UNC5C: variants seen among roughly 807,000 people sequenced by gnomAD.
UNC5C encodes netrin receptor UNC5C.
UNC5C carries 47 observed loss-of-function variants against 99.8 expected under a neutral mutation model. The observed-to-expected ratio is 0.47, with a 90% CI of 0.37 to 0.60. UNC5C has a LOEUF of 0.60. UNC5C is among the 20% of genes least tolerant of loss of function. UNC5C has a pLI of 0.00. For synonymous variants in UNC5C, 487 were observed against 452.2 expected, an observed-to-expected ratio of 1.08 and a Z score of -0.98; for missense variants, 1,062 against 1,165.9, an observed-to-expected ratio of 0.91 and a Z score of 1.30.
intron 1 of UNC5C, among the ~76,000 whole-genome samples, chr4:95,457,287 A>G (rs903327802): frequency 1.1e-4 from 17 of 152,218 alleles, no homozygotes; most frequent in African/African-American, 4.1e-4. Flanking sequence ...TGAAGAAGGG[A>G]ACCATTTTTC....
chr4:95,187,721 T>C lies in UNC5C; in HGVS notation c.2137-2525A>G, dbSNP rs1056406933. Among the ~76,000 whole-genome samples, 9 of 152,308 alleles carry C rather than the reference T, an allele frequency of 5.9e-5. No homozygotes were observed. In the East Asian group the frequency reaches 1.2e-3, roughly 20 times the overall value. On this transcript the variant is annotated intron_variant, in intron 12 of 15. Coordinates refer to ENST00000453304, the MANE Select transcript of UNC5C (RefSeq NM_003728.4). Reference sequence around the variant, plus strand: ...TAGACTGGCTTGGAGGAGCCCTTTTTTGGATAGAAAGTACCAAGTGCCATT... The same window carrying C: ...TAGACTGGCTTGGAGGAGCCCTTTTCTGGATAGAAAGTACCAAGTGCCATT...
intron 14 of UNC5C, among the ~76,000 whole-genome samples, chr4:95,178,578 A>ATAT (rs1736467729): frequency 6.6e-6 from 1 of 152,236 alleles, no homozygotes; most frequent in African/African-American, 2.4e-5. Context: ...ATGAGAGAAA[A>ATAT]TATTTGTCCT....
chr4:95,474,835 T>C (rs565784828), intron 1 of UNC5C, among the ~76,000 whole-genome samples: 1 of 152,186 alleles, frequency 6.6e-6, no homozygotes, highest in South Asian at 2.1e-4. Context: ...CAGAAGCCTG[T>C]CTTGTGCTGT....
chr4:95,522,904 CA>C (rs1722397769), intron 1 of UNC5C, among the ~76,000 whole-genome samples: 3 of 84,212 alleles, frequency 3.6e-5, no homozygotes, highest in Non-Finnish European at 7.0e-5. Context: ...TGCCAGGGAC[CA>C]GAGCAAAGCA....
intron 10 of UNC5C, among the ~76,000 whole-genome samples, chr4:95,213,758 C>T (rs999535376): frequency 4.6e-5 from 7 of 152,152 alleles, no homozygotes; most frequent in African/African-American, 1.7e-4. Flanking sequence ...CATCACAGCT[C>T]CTGATGTCCT....
chr4:95,391,757 TAAAAA>T (rs61515733), intron 1 of UNC5C, among the ~76,000 whole-genome samples: 4 of 125,908 alleles, frequency 3.2e-5, no homozygotes, highest in Admixed American at 8.2e-5. Flanking sequence ...CCTTTCATGG[TAAAAA>T]AAAAAAAAAA....
At chr4:95,389,601 C>T (rs1745300719) in intron 1 of UNC5C, among the ~76,000 whole-genome samples, 1 of 152,056 alleles carries the variant, frequency 6.6e-6, no homozygotes, top group Admixed American at 6.6e-5. Flanking sequence ...AAATCAATGA[C>T]TGATGCTTAT....
At chr4:95,514,501 T>A (rs1722161416) in intron 1 of UNC5C, among the ~76,000 whole-genome samples, 2 of 151,862 alleles carry the variant, frequency 1.3e-5, no homozygotes, top group South Asian at 4.1e-4. Flanking sequence ...ATTATATACT[T>A]CTATAATTTA....
chr4:95,516,312 T>C (rs1404443596), intron 1 of UNC5C, among the ~76,000 whole-genome samples: 3 of 152,174 alleles, frequency 2.0e-5, no homozygotes, highest in Admixed American at 1.3e-4. Context: ...CCTTGTGGAC[T>C]GGAGGTTCTA....
At chr4:95,300,535 T>C (rs1201638807) in intron 3 of UNC5C, among the ~76,000 whole-genome samples, 1 of 152,144 alleles carries the variant, frequency 6.6e-6, no homozygotes, top group Non-Finnish European at 1.5e-5. Context: ...GTAATCTCTA[T>C]TTTGAACAGG....
intron 11 of UNC5C, among the ~76,000 whole-genome samples, chr4:95,205,991 T>C (rs1266657853): frequency 6.6e-6 from 1 of 151,170 alleles, no homozygotes; most frequent in Non-Finnish European, 1.5e-5. Context: ...TATATACGTA[T>C]ATATACATAT....
intron 2 of UNC5C, among the ~76,000 whole-genome samples, chr4:95,333,998 A>G (rs1188092843): frequency 6.6e-6 from 1 of 152,050 alleles, no homozygotes; most frequent in Non-Finnish European, 1.5e-5. Flanking sequence ...AAGCTACCCT[A>G]TAATTGGATA....
At chr4:95,518,258 T>C (rs941167610) in intron 1 of UNC5C, among the ~76,000 whole-genome samples, 8 of 152,272 alleles carry the variant, frequency 5.3e-5, no homozygotes, top group African/African-American at 9.6e-5. Context: ...AAATAAATCA[T>C]GGACTATCTA....
chr4:95,414,769 C>T (rs527362491), intron 1 of UNC5C, among the ~76,000 whole-genome samples: 52 of 152,194 alleles, frequency 3.4e-4, no homozygotes, highest in African/African-American at 1.1e-3. Flanking sequence ...AACCCATAAC[C>T]TACTATTTTG....
intron 1 of UNC5C, among the ~76,000 whole-genome samples, chr4:95,523,164 C>T: frequency 6.6e-6 from 1 of 152,158 alleles, no homozygotes; most frequent in Non-Finnish European, 1.5e-5. Flanking sequence ...GCTTCAGCCT[C>T]ACCAAGCCTC....
intron 1 of UNC5C, among the ~76,000 whole-genome samples, chr4:95,373,110 T>C: frequency 6.6e-6 from 1 of 152,192 alleles, no homozygotes; most frequent in Admixed American, 6.5e-5. Flanking sequence ...TCTTGTCTTG[T>C]ACTATAGTAA....
intron 1 of UNC5C, among the ~76,000 whole-genome samples, chr4:95,336,835 A>T (rs1743367824): frequency 6.6e-6 from 1 of 151,764 alleles, no homozygotes. Flanking sequence ...TTCTCACTTT[A>T]CCTCCTTAAT....
rs532096858 is a variant in UNC5C at position 95,350,280 on chromosome 4, G to A, written c.125-14649C>T. On this transcript the variant is annotated intron_variant, in intron 1 of 15. Transcript: ENST00000453304. ...AAGTGGGCAGATCATGAAGTCAAGA[G>A]ATCAAAACCATCCTGGCCAAACATG... Among the ~76,000 whole-genome samples, 192 of 152,140 alleles carry A rather than the reference G, an allele frequency of 1.3e-3. 1 individual carries two copies. Among genetic ancestry groups the A allele is most frequent in the African/African-American group, 4.4e-3 (182 of 41,510 alleles).
chr4:95,245,359 C>T (rs902948883), intron 5 of UNC5C, among the ~76,000 whole-genome samples: 3 of 152,056 alleles, frequency 2.0e-5, no homozygotes, highest in Admixed American at 6.5e-5. Context: ...TCAAGATTTA[C>T]TCACCTACTC....
Sources: gnomAD v4.1 joint callset for allele counts (sites outside exome capture counted in the v4.1 genomes callset) on GRCh38, gnomAD v4.1.1 for gene constraint, MANE v1.5 for transcripts, NCBI Gene and HGNC (gene_info 2026-07-23, HGNC 2026-07-21) for gene names.